The following SEPTIN9 variants were observed in gnomAD, a reference collection of about 807,000 sequenced individuals.
SEPTIN9 encodes septin-9.
A neutral mutation model predicts 56.6 loss-of-function variants in SEPTIN9; 13 were observed. That is an observed-to-expected ratio of 0.23 (90% CI 0.15 to 0.37). The LOEUF (loss-of-function observed/expected upper bound fraction) is 0.37, where lower values mean the gene tolerates loss of function less well. Among genes scored for constraint, SEPTIN9 ranks in the 10% least tolerant of loss-of-function variants. The probability of loss-of-function intolerance (pLI) is 1.00; values close to 1 mark genes in which losing one functional copy is unlikely to be tolerated. For missense variants in SEPTIN9, 650 were observed against 823.1 expected, an observed-to-expected ratio of 0.79 and a Z score of 2.57; for synonymous variants, 332 against 334.1, an observed-to-expected ratio of 0.99 and a Z score of 0.07.
At chr17:77,360,415 C>T (rs1165854597) in intron 2 of SEPTIN9, among the ~76,000 whole-genome samples, 1 of 152,200 alleles carries the variant, frequency 6.6e-6, no homozygotes, top group Non-Finnish European at 1.5e-5. Flanking sequence ...TGTCTTTTCC[C>T]AACTCTGTGT....
At chr17:77,312,087 C>G (rs1444223190) in intron 2 of SEPTIN9, among the ~76,000 whole-genome samples, 1 of 152,182 alleles carries the variant, frequency 6.6e-6, no homozygotes, top group Non-Finnish European at 1.5e-5. Context: ...CTTGGACAGG[C>G]TGCCCCGGTC....
At chr17:77,430,024 C>T (rs2037068104) in intron 3 of SEPTIN9, among the ~76,000 whole-genome samples, 1 of 152,182 alleles carries the variant, frequency 6.6e-6, no homozygotes, top group Non-Finnish European at 1.5e-5. Flanking sequence ...CATGCAAGCA[C>T]AGTGCTTTCA....
intron 3 of SEPTIN9, among the ~76,000 whole-genome samples, chr17:77,462,743 G>A (rs1188887800): frequency 6.6e-6 from 1 of 152,056 alleles, no homozygotes; most frequent in Non-Finnish European, 1.5e-5. Context: ...CTGGGTTCAA[G>A]CCATTCTCAT....
chr17:77,416,845 C>T lies in SEPTIN9; in HGVS notation c.721+14142C>T, dbSNP rs539693793. Among the ~76,000 whole-genome samples, 8 of 152,282 alleles carry T rather than the reference C, an allele frequency of 5.3e-5. No individual in the cohort carries two copies. The South Asian group carries it at 1.2e-3, about 24-fold the overall frequency. Reference sequence around the variant, plus strand: ...TCATCCCTTAGACCAGGATAAGATGCGGGATCCCAACCTCGAGCCTCCCAT... The same window carrying T: ...TCATCCCTTAGACCAGGATAAGATGTGGGATCCCAACCTCGAGCCTCCCAT... On this transcript the variant is annotated intron_variant, in intron 3 of 11. Coordinates refer to ENST00000427177, the MANE Select transcript of SEPTIN9 (RefSeq NM_001113491.2).
rs1250827156 is a variant in SEPTIN9, at chr17:77,445,102, G to A, written c.722-37042G>A. ...GTCCCACCATGCCTGCCTGGGGACG[G>A]CCTTCACTCGGGCTACTCAGGGTTT... On this transcript the variant is annotated intron_variant, in intron 3 of 11. Transcript: ENST00000427177. This position sits in a 1 kb window ranked among gnomAD's most constrained non-coding sequence, Gnocchi z 4.7. The A allele has an allele frequency of 2.2e-6, 1 of 456,140 alleles. No individual in the cohort carries two copies. 28.3% of individuals were successfully genotyped at this position (456,140 alleles called of 1,614,324 possible). A position where few individuals can be genotyped will look rare whatever the true frequency, so the allele number is the denominator to read the frequency against.
chr17:77,428,929 A>G, intron 3 of SEPTIN9: 1 of 439,482 alleles, frequency 2.3e-6, no homozygotes, highest in South Asian at 1.6e-5. Flanking sequence ...GGATTTAATG[A>G]TATAATGTAA....
intron 2 of SEPTIN9, among the ~76,000 whole-genome samples, chr17:77,315,727 CT>C (rs943596675): frequency 5.3e-5 from 8 of 152,264 alleles, no homozygotes; most frequent in Non-Finnish European, 8.8e-5. Flanking sequence ...GGCCTTCGCT[CT>C]TCCTTCCCGC....
At chr17:77,468,451 A>G (rs1357132118) in intron 3 of SEPTIN9, among the ~76,000 whole-genome samples, 1 of 152,206 alleles carries the variant, frequency 6.6e-6, no homozygotes, top group Non-Finnish European at 1.5e-5. Context: ...CGTGGATGGA[A>G]GCTGAAGAGT....
chr17:77,379,255 G>A (rs574990825), intron 2 of SEPTIN9, among the ~76,000 whole-genome samples: 5 of 152,122 alleles, frequency 3.3e-5, no homozygotes, highest in Admixed American at 6.5e-5. Context: ...GGAGGTGGAG[G>A]GGGGACTGGG....
At position 77,402,405 on chromosome 17, in the gene SEPTIN9, G is replaced by A. The variant is rs1454657881; in HGVS notation, c.423G>A (p.Lys141=). Residue 141 remains lysine (K), a synonymous_variant, in exon 3 of 12, where the codon AAG becomes AAA. Transcript: ENST00000427177. The surrounding 1 kb of genome is among the most constrained non-coding windows in gnomAD (Gnocchi z 6.6). ...GLKRAEVLGH[K]TPEPAPRRTE... Reference sequence around the variant, plus strand: ...AGAGGGCCGAGGTGTTGGGCCACAAGACGCCAGAACCGGCCCCTCGGAGGA... The same window carrying A: ...AGAGGGCCGAGGTGTTGGGCCACAAAACGCCAGAACCGGCCCCTCGGAGGA... 4.3e-6 allele frequency: 7 copies of A among 1,611,386 alleles called. No homozygotes were observed. Among genetic ancestry groups the A allele is most frequent in the Non-Finnish European group, 5.9e-6 (7 of 1,179,298 alleles).
chr17:77,488,211 T>C, intron 5 of SEPTIN9, 29 bp from the exon 6 acceptor site: 1 of 1,610,442 alleles, frequency 6.2e-7, no homozygotes, highest in South Asian at 1.1e-5. Context: ...CCGTCTCCCC[T>C]CTGACTCTGC....
intron 3 of SEPTIN9, among the ~76,000 whole-genome samples, chr17:77,442,990 C>T (rs1462741454): frequency 2.0e-5 from 3 of 151,972 alleles, no homozygotes; most frequent in African/African-American, 7.3e-5. Flanking sequence ...ACAATGTCTT[C>T]TTAGGTGTGG....
At chr17:77,363,107 T>A (rs2034465779) in intron 2 of SEPTIN9, among the ~76,000 whole-genome samples, 1 of 152,108 alleles carries the variant, frequency 6.6e-6, no homozygotes. Flanking sequence ...ATGCACCAGG[T>A]GACAGAGGCT....
chr17:77,370,371 G>A lies in SEPTIN9; in HGVS notation c.77-31688G>A, dbSNP rs368918594. Among the ~76,000 whole-genome samples the A allele has an allele frequency of 3.0e-4, 46 of 152,282 alleles. No individual in the cohort carries two copies. In the East Asian group the frequency reaches 8.9e-3, roughly 29 times the overall value. On this transcript the variant is annotated intron_variant, in intron 2 of 11. Coordinates refer to ENST00000427177, the MANE Select transcript of SEPTIN9 (RefSeq NM_001113491.2). ...CTCTGTCTTCACAAGGCCTTTTTCT[G>A]TGTCTCTGTACTTTCTTTTCTGTCT...
intron 2 of SEPTIN9, among the ~76,000 whole-genome samples, chr17:77,336,615 C>T (rs975662246): frequency 6.6e-6 from 1 of 152,078 alleles, no homozygotes; most frequent in Non-Finnish European, 1.5e-5. Flanking sequence ...ATCCTATGAT[C>T]TTTTCCAAAG....
At chr17:77,320,492 C>A in intron 2 of SEPTIN9, 1 of 771,774 alleles carries the variant, frequency 1.3e-6, no homozygotes, top group Non-Finnish European at 2.2e-6. Context: ...CGGTTCCAAG[C>A]TCGTGGGATG....
intron 2 of SEPTIN9, among the ~76,000 whole-genome samples, chr17:77,309,943 C>G (rs964516908): frequency 6.6e-6 from 1 of 151,832 alleles, no homozygotes; most frequent in African/African-American, 2.4e-5. Context: ...GCAGGCACAT[C>G]TGTGCTGGGC....
chr17:77,287,379 C>T (rs1450457685), intron 1 of SEPTIN9, among the ~76,000 whole-genome samples: 1 of 152,232 alleles, frequency 6.6e-6, no homozygotes, highest in Non-Finnish European at 1.5e-5. Flanking sequence ...CTGGCATTGG[C>T]CTGCTCTACT....
intron 4 of SEPTIN9, among the ~76,000 whole-genome samples, chr17:77,484,710 TGTG>T (rs2039628069): frequency 9.7e-6 from 1 of 102,656 alleles, no homozygotes; most frequent in Admixed American, 9.2e-5. Context: ...ATGGTGGTGA[TGTG>T]GGTGGTGGTG....
Sources: allele counts gnomAD v4.1 joint callset (sites outside exome capture counted in the v4.1 genomes callset), GRCh38; gene constraint gnomAD v4.1.1; non-coding constraint Gnocchi (gnomAD v3.1); transcripts MANE v1.5; gene names NCBI Gene and HGNC (gene_info 2026-07-23, HGNC 2026-07-21).